The following ARHGAP32 variants were observed in gnomAD, a reference collection of about 807,000 sequenced individuals.
ARHGAP32 encodes the protein Rho GTPase activating protein 32.
In ARHGAP32, 51 loss-of-function variants were observed where a neutral mutation model predicts 186.5. That is an observed-to-expected ratio of 0.27 (90% CI 0.22 to 0.35). The LOEUF (loss-of-function observed/expected upper bound fraction) is 0.35. Ranked by LOEUF, ARHGAP32 falls within the 10% of genes least tolerant of loss-of-function variation. The pLI, the probability that ARHGAP32 is intolerant of heterozygous loss-of-function variation, is 1.00. For missense variants in ARHGAP32, 2,186 were observed against 2,623.5 expected, an observed-to-expected ratio of 0.83 and a Z score of 3.64; for synonymous variants, 950 against 964.3, an observed-to-expected ratio of 0.99 and a Z score of 0.27.
At chr11:129,268,693 A>C (rs1274075110) in intron 1 of ARHGAP32, among the ~76,000 whole-genome samples, 1 of 132,288 alleles carries the variant, frequency 7.6e-6, no homozygotes, top group Non-Finnish European at 1.6e-5. Context: ...AAAAAAAAAA[A>C]AAGGTGAATT....
intron 11 of ARHGAP32, among the ~76,000 whole-genome samples, chr11:129,027,318 A>G (rs560720560): frequency 1.3e-5 from 2 of 152,172 alleles, no homozygotes; most frequent in Admixed American, 6.5e-5. Context: ...TCCTCTTAAC[A>G]CAGCAAGCAA....
rs765774230 is a variant in ARHGAP32, at chr11:128,972,624, C to G, written c.3882G>C (p.Trp1294Cys). 27 of 1,611,352 alleles carry G rather than the reference C, an allele frequency of 1.7e-5. No homozygotes were observed. Among genetic ancestry groups the G allele is most frequent in the Non-Finnish European group, 2.2e-5 (26 of 1,178,322 alleles). ...TAQMSTKEAS[W>C]DVAEQPTTAD... The stretch of plus-strand genomic sequence containing the variant: ...CAGTGGTGGGTTGTTCAGCCACATC[C>G]CAGCTGGCTTCCTTGGTGCTCATTT... Residue 1294 changes from tryptophan (W) to cysteine (C), a missense_variant, in exon 22 of 23, where the codon TGG becomes TGC. Physicochemically the swap from Trp to Cys is radical, Grantham distance 215. This residue lies in a region of ARHGAP32 where 1,502 missense variants were observed against 1,570.0 expected (regional missense o/e 0.96). Transcript: ENST00000682385.
chr11:129,054,369 A>G (rs1297907060), intron 10 of ARHGAP32, among the ~76,000 whole-genome samples: 2 of 152,162 alleles, frequency 1.3e-5, no homozygotes, highest in East Asian at 1.9e-4. Flanking sequence ...GTGCGAGCCT[A>G]CATCAGCAGT....
At chr11:129,187,769 T>C (rs1000362929) in intron 1 of ARHGAP32, among the ~76,000 whole-genome samples, 1 of 152,184 alleles carries the variant, frequency 6.6e-6, no homozygotes, top group Non-Finnish European at 1.5e-5. Context: ...TACAAAACAA[T>C]ATAAGTTGTA....
Position 129,064,880 on chromosome 11 carries a change from G to A in ARHGAP32, c.723C>T (p.Gly241=). The A allele has an allele frequency of 6.3e-7, 1 of 1,599,638 alleles. No homozygotes were observed. The highest frequency in any genetic ancestry group is 2.3e-5 in the East Asian group (1 of 44,298). The change falls in exon 8 of 23, where the codon GGC becomes GGT. Residue 241 remains glycine, a synonymous_variant. Coordinates refer to ENST00000682385, the MANE Select transcript of ARHGAP32 (RefSeq NM_001378024.1). ...GGGCGGGCCCACAGTTGATCTTGTT[G>A]CCAGCGATAGCTGAAAGGCGTGACA... The part of the protein sequence containing the change: ...AYLSRLSAIA[G]NKINCGPALT...
chr11:129,119,933 G>C (rs582519), intron 5 of ARHGAP32, among the ~76,000 whole-genome samples: 19,614 of 152,066 alleles, frequency 0.13, 1,416 homozygotes, highest in South Asian at 0.32. Context: ...GAAAGGTAAG[G>C]GTACACTCTG....
In ARHGAP32 at chr11:129,035,408, G is replaced by T. The variant is rs191559150; in HGVS notation, c.1045+5520C>A. ...TCTCAAACTATAGCTGTATCTTTCA[G>T]ATTTGGCATCTAACAGTGACAGATG... is the stretch of plus-strand genomic sequence containing the variant. On this transcript the variant is annotated intron_variant, in intron 11 of 22. Transcript: ENST00000682385. 3.9e-5 allele frequency among the ~76,000 whole-genome samples: 6 copies of T among 152,304 alleles called. No homozygotes were observed. The East Asian group carries it at 1.2e-3, about 29-fold the overall frequency.
chr11:129,131,961 G>T (rs1942820842), intron 2 of ARHGAP32, among the ~76,000 whole-genome samples: 3 of 152,032 alleles, frequency 2.0e-5, no homozygotes, highest in Non-Finnish European at 4.4e-5. Context: ...TAAGTTCTGG[G>T]GTACATGTGC....
chr11:129,111,015 G>A (rs935566223), intron 5 of ARHGAP32, among the ~76,000 whole-genome samples: 1 of 152,154 alleles, frequency 6.6e-6, no homozygotes, highest in Non-Finnish European at 1.5e-5. Flanking sequence ...GTTCTTAGAG[G>A]AAAGGCTTTC....
intron 9 of ARHGAP32, 78 bp from the exon 10 acceptor site, chr11:129,062,435 A>G: frequency 8.1e-7 from 1 of 1,234,308 alleles, no homozygotes; most frequent in Non-Finnish European, 1.2e-6. Context: ...TTTAAATCCG[A>G]ACTGTATGAA....
In ARHGAP32 at chr11:128,988,393, A is replaced by G. The variant is rs556075205; in HGVS notation, c.1196-268T>C. 1.2e-3 allele frequency among the ~76,000 whole-genome samples: 186 copies of G among 152,310 alleles called. 1 individual carries two copies. The highest frequency in any genetic ancestry group is 4.1e-3 in the African/African-American group (170 of 41,574). ...AAGAGAGTTCATACATTATTAGGAC[A>G]GTCTTTCTTCTGCAGTAGACTCATT... is the stretch of plus-strand genomic sequence containing the variant. On this transcript the variant is annotated intron_variant, in intron 12 of 22. Transcript: ENST00000682385.
chr11:129,041,870 T>G (rs1162665362), intron 10 of ARHGAP32, among the ~76,000 whole-genome samples: 1 of 152,228 alleles, frequency 6.6e-6, no homozygotes, highest in East Asian at 1.9e-4. Context: ...ATAAATGGGC[T>G]GCCATGCAGC....
At position 128,986,384 on chromosome 11, in the gene ARHGAP32, T is replaced by G. The variant is rs1402606637; in HGVS notation, c.1443+140A>C. ...AAAACAGCAAAGACCACCGACTAGC[T>G]GGCAATATTTGTTTTTTTAAGGAGT... On this transcript the variant is annotated intron_variant, in intron 14 of 22. Transcript: ENST00000682385. The G allele has an allele frequency of 8.0e-6, 7 of 878,756 alleles. No homozygotes were observed. In the East Asian group the frequency reaches 1.8e-4, roughly 23 times the overall value. 54.4% of individuals were successfully genotyped at this position (878,756 alleles called of 1,614,324 possible).
At chr11:129,077,330 A>C (rs1438931402) in intron 6 of ARHGAP32, among the ~76,000 whole-genome samples, 17 of 152,196 alleles carry the variant, frequency 1.1e-4, no homozygotes. Flanking sequence ...AGTACAGAAG[A>C]CAAGGTAGAT....
intron 1 of ARHGAP32, among the ~76,000 whole-genome samples, chr11:129,197,759 T>C (rs1944411137): frequency 6.6e-6 from 1 of 152,190 alleles, no homozygotes; most frequent in African/African-American, 2.4e-5. Context: ...TTTTATACTA[T>C]CTATACATTC....
At chr11:129,010,749 A>G (rs1464060041) in intron 11 of ARHGAP32, among the ~76,000 whole-genome samples, 1 of 152,232 alleles carries the variant, frequency 6.6e-6, no homozygotes, top group African/African-American at 2.4e-5. Context: ...AACTGTGTCA[A>G]AGTAAATATG....
At chr11:129,276,627 T>C (rs1945535251) in intron 1 of ARHGAP32, among the ~76,000 whole-genome samples, 1 of 152,218 alleles carries the variant, frequency 6.6e-6, no homozygotes, top group Non-Finnish European at 1.5e-5. Context: ...GTTTTTTAAA[T>C]TTCTGTTACA....
intron 1 of ARHGAP32, among the ~76,000 whole-genome samples, chr11:129,164,679 A>G (rs1263328157): frequency 2.6e-5 from 4 of 152,182 alleles, no homozygotes; most frequent in African/African-American, 9.6e-5. Context: ...GTCCATGGTT[A>G]TTATATAAAA....
At chr11:129,102,653 A>G (rs1941934817) in intron 5 of ARHGAP32, among the ~76,000 whole-genome samples, 1 of 152,222 alleles carries the variant, frequency 6.6e-6, no homozygotes, top group African/African-American at 2.4e-5. Context: ...AATCTAAACT[A>G]CAATGAGATA....
Sources: gnomAD v4.1 joint callset for allele counts (sites outside exome capture counted in the v4.1 genomes callset) on GRCh38, gnomAD v4.1.1 for gene constraint, gnomAD v4.1.1 regional missense constraint, MANE v1.5 for transcripts, NCBI Gene and HGNC (gene_info 2026-07-23, HGNC 2026-07-21) for gene names.